The following TDP1 variants were observed in gnomAD, a reference collection of about 807,000 sequenced individuals.
TDP1 encodes tyrosyl-DNA phosphodiesterase 1, also known as tyr-DNA phosphodiesterase 1.
In TDP1, 64 loss-of-function variants were observed where a neutral mutation model predicts 81.5. The observed-to-expected ratio is 0.79, with a 90% CI of 0.64 to 0.97. The LOEUF (loss-of-function observed/expected upper bound fraction) is 0.97. Ranked by LOEUF, TDP1 falls within the 50% of genes least tolerant of loss-of-function variation. TDP1 has a pLI of 0.00. For synonymous variants in TDP1, 256 were observed against 264.3 expected (o/e 0.97, Z 0.30); for missense variants, 723 against 743.8 (o/e 0.97, Z 0.33).
In TDP1 at chr14:90,032,939, G is replaced by A. The variant is rs548220182; in HGVS notation, c.1645-167G>A. 1.1e-4 allele frequency: 92 copies of A among 836,354 alleles called. 2 individuals carry two copies. The East Asian group carries it at 8.8e-3, about 80-fold the overall frequency. 51.8% of individuals were successfully genotyped at this position (836,354 alleles called of 1,614,324 possible). On this transcript the variant is annotated intron_variant, in intron 15 of 16. Transcript: ENST00000335725. ...TTTAGAAAGGAAAATAATTTGGGGC[G>A]GGGGGGTTGTAAATATATTTGCCTA...
intron 8 of TDP1, among the ~76,000 whole-genome samples, chr14:89,981,867 T>C (rs955977334): frequency 6.6e-6 from 1 of 151,054 alleles, no homozygotes; most frequent in Non-Finnish European, 1.5e-5. Context: ...CTTTATTTTT[T>C]GTAGAGACAA....
chr14:89,999,954 G>T (rs916099745), intron 14 of TDP1, among the ~76,000 whole-genome samples: 4 of 152,128 alleles, frequency 2.6e-5, no homozygotes, highest in Admixed American at 6.5e-5. Flanking sequence ...CATGGTTCCC[G>T]TGGGTCAGGA....
chr14:89,999,212 C>T (rs1317042274), intron 14 of TDP1, among the ~76,000 whole-genome samples: 1 of 152,168 alleles, frequency 6.6e-6, no homozygotes, highest in Non-Finnish European at 1.5e-5. Context: ...AAAAAAATGC[C>T]TTATACATTT....
rs377027327 is a variant in TDP1 at position 90,019,320 on chromosome 14, A to G, written c.1546A>G (p.Asn516Asp). The part of the protein sequence containing the change: ...KIAWFLVTSA[N>D]LSKAAWGALE... ...TCTGTGTCCTTGTCTCTGCAGCGCA[A>G]ATCTGTCCAAGGCTGCCTGGGGAGC... is the stretch of plus-strand genomic sequence containing the variant. Residue 516 changes from asparagine to aspartate, a missense_variant, in exon 15 of 17, where the codon AAT becomes GAT. Asn to Asp is a conservative substitution (Grantham distance 23). Coordinates refer to ENST00000335725, the MANE Select transcript of TDP1 (RefSeq NM_018319.4). 7.5e-6 allele frequency: 12 copies of G among 1,606,658 alleles called. No homozygotes were observed. In the African/African-American group the frequency reaches 1.1e-4, roughly 14 times the overall value.
chr14:89,977,588 G>C (rs562742488), intron 7 of TDP1, among the ~76,000 whole-genome samples: 1 of 152,224 alleles, frequency 6.6e-6, no homozygotes, highest in Admixed American at 6.5e-5. Context: ...GTGAGCCACC[G>C]CACCTAGCGT....
chr14:89,958,275 GC>G (rs1452002287), intron 2 of TDP1: 1 of 152,378 alleles, frequency 6.6e-6, no homozygotes, highest in Non-Finnish European at 1.5e-5. Flanking sequence ...TGCTTCACTA[GC>G]GGAACGGAGT....
rs541683514 is a variant in TDP1 at position 89,988,670 on chromosome 14, T to C, written c.1132-235T>C. 1.0e-5 allele frequency: 10 copies of C among 981,572 alleles called. No homozygotes were observed. In the South Asian group the frequency reaches 4.7e-4, roughly 46 times the overall value. The allele number at this position is 981,572 out of a possible 1,614,324, so 60.8% of individuals were successfully genotyped here. On this transcript the variant is annotated intron_variant, in intron 10 of 16. Transcript: ENST00000335725. The stretch of plus-strand genomic sequence containing the variant: ...GTTTTTGCTTTTAGTACAAATCAAA[T>C]AATTTTGGAAAGGAGAACTTCTGTC...
intron 2 of TDP1, among the ~76,000 whole-genome samples, chr14:89,960,387 C>G (rs1160144041): frequency 6.6e-6 from 1 of 152,126 alleles, no homozygotes. Flanking sequence ...GGAAACTGGG[C>G]ACTCAGACCC....
chr14:90,031,664 CAAA>C (rs1198079118), intron 15 of TDP1, among the ~76,000 whole-genome samples: 3 of 151,658 alleles, frequency 2.0e-5, no homozygotes, highest in African/African-American at 7.3e-5. Context: ...CTCCAAAAAA[CAAA>C]GAAACCTAAT....
intron 15 of TDP1, chr14:90,032,713 G>T: frequency 1.0e-6 from 1 of 983,522 alleles, no homozygotes; most frequent in Non-Finnish European, 1.2e-6. Context: ...CTTACTCCAG[G>T]CAGCCTGTTA....
rs1895819881 is a variant in TDP1, at chr14:89,988,515, G to T, written c.1132-390G>T. 4 of 849,614 alleles carry T rather than the reference G, an allele frequency of 4.7e-6. No individual in the cohort carries two copies. The South Asian group carries it at 1.6e-4, about 34-fold the overall frequency. The allele number at this position is 849,614 out of a possible 1,614,324, so 52.6% of individuals were successfully genotyped here. A position where few individuals can be genotyped will look rare whatever the true frequency, so the allele number is the denominator to read the frequency against. On this transcript the variant is annotated intron_variant, in intron 10 of 16. Transcript: ENST00000335725. ...TTGCATGCCAGGAAACAGGGATGAA[G>T]ACCAAATACATATTTCATAGCATCA...
intron 11 of TDP1, 30 bp downstream of exon 11, chr14:89,989,120 A>G: frequency 3.1e-6 from 5 of 1,590,910 alleles, no homozygotes; most frequent in Middle Eastern, 1.9e-4. Flanking sequence ...GAGGTAGTTT[A>G]CTTTTATTCT....
chr14:89,981,775 T>A (rs1419167744), intron 8 of TDP1, among the ~76,000 whole-genome samples: 1 of 152,094 alleles, frequency 6.6e-6, no homozygotes, highest in Non-Finnish European at 1.5e-5. Context: ...AACCTCAACC[T>A]CCTGGGCTCA....
At chr14:89,991,424 G>A (rs1406170712) in intron 12 of TDP1, 2 of 316,868 alleles carry the variant, frequency 6.3e-6, no homozygotes, top group Non-Finnish European at 9.1e-6. Context: ...GCTTTACTTG[G>A]TGCGTTCTCG....
At chr14:89,984,112 G>A (rs1895300402) in intron 8 of TDP1, 2 of 985,294 alleles carry the variant, frequency 2.0e-6, no homozygotes, top group Admixed American at 6.1e-5. Context: ...TCTTGCTTGG[G>A]ATTACCACTA....
intron 7 of TDP1, among the ~76,000 whole-genome samples, chr14:89,979,481 T>C (rs1291565096): frequency 1.3e-5 from 2 of 152,138 alleles, no homozygotes; most frequent in Non-Finnish European, 2.9e-5. Context: ...AGCTAATTTT[T>C]ATATTTTTAG....
At chr14:90,019,655 T>C (rs1373063817) in intron 15 of TDP1, among the ~76,000 whole-genome samples, 2 of 151,300 alleles carry the variant, frequency 1.3e-5, no homozygotes, top group African/African-American at 4.9e-5. Context: ...ATTGACTGTG[T>C]GCTTCCAGCG....
chr14:90,035,633 A>T (rs981137960), intron 16 of TDP1, among the ~76,000 whole-genome samples: 2 of 152,012 alleles, frequency 1.3e-5, no homozygotes, highest in African/African-American at 4.8e-5. Context: ...TATTGAAAAG[A>T]TTAACTGAGA....
rs750187948 is a variant in TDP1 at position 90,019,350 on chromosome 14, G to C, written c.1576G>C (p.Glu526Gln). ...GTCCAAGGCTGCCTGGGGAGCATTG[G>C]AGAAGAATGGCACCCAGCTGATGAT... ...NLSKAAWGAL[E>Q]KNGTQLMIRS... The change falls in exon 15 of 17, where the codon GAG becomes CAG. Residue 526 changes from glutamate (E) to glutamine (Q), a missense_variant. Physicochemically the swap from Glu to Gln is conservative, Grantham distance 29. Coordinates refer to ENST00000335725, the MANE Select transcript of TDP1 (RefSeq NM_018319.4). 6.2e-7 allele frequency: 1 copy of C among 1,612,960 alleles called. No individual in the cohort carries two copies. The highest frequency in any genetic ancestry group is 1.1e-5 in the South Asian group (1 of 91,064).
Sources: gnomAD v4.1 joint callset for allele counts (sites outside exome capture counted in the v4.1 genomes callset) on GRCh38, gnomAD v4.1.1 for gene constraint, MANE v1.5 for transcripts, NCBI Gene and HGNC (gene_info 2026-07-23, HGNC 2026-07-21) for gene names.